The following FER variants were observed in gnomAD, a reference collection of about 807,000 sequenced individuals.
FER encodes the protein FER tyrosine kinase, also known as tyrosine-protein kinase Fer.
A neutral mutation model predicts 111.0 loss-of-function variants in FER; 63 were observed. The ratio of observed to expected loss-of-function variants is 0.57; its 90% CI spans 0.46 to 0.70. FER has a LOEUF of 0.70. Ranked by LOEUF, FER falls within the 30% of genes least tolerant of loss-of-function variation. FER has a pLI of 0.00. For synonymous variants in FER, 327 were observed against 313.9 expected, an observed-to-expected ratio of 1.04 and a Z score of -0.44; for missense variants, 914 against 954.0, an observed-to-expected ratio of 0.96 and a Z score of 0.55.
intron 13 of FER, among the ~76,000 whole-genome samples, chr5:109,034,997 T>C (rs1306498437): frequency 6.6e-6 from 1 of 151,542 alleles, no homozygotes; most frequent in African/African-American, 2.4e-5. Flanking sequence ...CCACAGGTTT[T>C]AAATATATAG....
At chr5:109,161,423 C>G (rs1387814346) in intron 17 of FER, among the ~76,000 whole-genome samples, 1 of 152,064 alleles carries the variant, frequency 6.6e-6, no homozygotes, top group Non-Finnish European at 1.5e-5. Context: ...CCTCCTCCCA[C>G]CCTTCATAAG....
intron 2 of FER, among the ~76,000 whole-genome samples, chr5:108,777,468 C>G (rs552597524): frequency 2.0e-4 from 31 of 152,270 alleles, no homozygotes; most frequent in Middle Eastern, 6.8e-3. Flanking sequence ...TTAGGGTTCA[C>G]TCTTGGCATT....
At position 108,845,019 on chromosome 5, in the gene FER, TATATATATATATATATATATAC is replaced by T. The variant is rs60219973; in HGVS notation, c.481+9234_481+9255del. 5.6e-3 allele frequency among the ~76,000 whole-genome samples: 286 copies of T among 51,474 alleles called. 2 individuals are homozygous for T. The highest frequency in any genetic ancestry group is 7.5e-3 in the Non-Finnish European group (198 of 26,240). 33.8% of individuals were successfully genotyped at this position (51,474 alleles called of 152,430 possible). A position where few individuals can be genotyped will look rare whatever the true frequency, so the allele number is the denominator to read the frequency against. ...GTGTATATATATATATATATATATA[TATATATATATATATATATATAC>T]ATATATATATATATATATATATATA... On this transcript the variant is annotated intron_variant, in intron 5 of 19. Transcript: ENST00000281092.
At chr5:108,848,157 G>A (rs1011978255) in intron 5 of FER, among the ~76,000 whole-genome samples, 17 of 152,128 alleles carry the variant, frequency 1.1e-4, no homozygotes, top group African/African-American at 4.1e-4. Flanking sequence ...TGAGAGTACA[G>A]GTATGAGCCA....
intron 13 of FER, among the ~76,000 whole-genome samples, chr5:108,977,188 G>T (rs543726399): frequency 6.6e-6 from 1 of 152,138 alleles, no homozygotes; most frequent in Non-Finnish European, 1.5e-5. Context: ...ATTTTATGCA[G>T]TTGTGATTTA....
chr5:109,180,425 A>G (rs1758168416), intron 17 of FER, among the ~76,000 whole-genome samples: 1 of 152,216 alleles, frequency 6.6e-6, no homozygotes, highest in Non-Finnish European at 1.5e-5. Flanking sequence ...TGCTCTAGGA[A>G]AGCCAAAGGA....
At chr5:108,879,701 A>AAAAAAAAAATATATATATATATATATAT in intron 8 of FER, among the ~76,000 whole-genome samples, 1 of 99,128 alleles carries the variant, frequency 1.0e-5, no homozygotes, top group African/African-American at 4.8e-5. Context: ...ATTAAAAAAA[A>AAAAAAAAAATATATATATATATATATAT]ATATATATAT....
chr5:109,052,231 C>T (rs543237744), intron 16 of FER: 135 of 1,606,530 alleles, frequency 8.4e-5, no homozygotes, highest in South Asian at 7.6e-4. Context: ...GACCCAGAAG[C>T]GCACATGAGA....
At chr5:109,015,586 A>G (rs1766976586) in intron 13 of FER, among the ~76,000 whole-genome samples, 1 of 152,014 alleles carries the variant, frequency 6.6e-6, no homozygotes, top group Admixed American at 6.6e-5. Flanking sequence ...ATAGATCAGT[A>G]TAATCCAAGC....
intron 17 of FER, among the ~76,000 whole-genome samples, chr5:109,143,198 G>A (rs902256115): frequency 2.6e-5 from 4 of 152,108 alleles, no homozygotes; most frequent in African/African-American, 9.7e-5. Context: ...AATCTTGGGA[G>A]CATCAGGAAG....
chr5:108,786,705 T>C (rs766171070), intron 2 of FER, among the ~76,000 whole-genome samples: 18 of 152,130 alleles, frequency 1.2e-4, no homozygotes, highest in African/African-American at 3.6e-4. Context: ...TTTCACTGTG[T>C]TAGCCAGAAT....
intron 10 of FER, among the ~76,000 whole-genome samples, chr5:108,920,776 C>T (rs779102499): frequency 4.6e-5 from 7 of 152,108 alleles, no homozygotes; most frequent in Non-Finnish European, 8.8e-5. Flanking sequence ...CTTGAGTTAT[C>T]GTAATGTATA....
chr5:108,995,945 A>G (rs1322521527), intron 13 of FER, among the ~76,000 whole-genome samples: 1 of 152,160 alleles, frequency 6.6e-6, no homozygotes, highest in Non-Finnish European at 1.5e-5. Flanking sequence ...CTGACTTCTT[A>G]ATGATCACCA....
intron 5 of FER, chr5:108,841,735 C>T (rs1415508198): frequency 3.6e-6 from 1 of 281,148 alleles, no homozygotes; most frequent in South Asian, 3.4e-5. Context: ...TGTTTTGTAC[C>T]ATCAGGTGAG....
At chr5:109,142,049 A>G (rs1364842383) in intron 17 of FER, among the ~76,000 whole-genome samples, 2 of 152,028 alleles carry the variant, frequency 1.3e-5, no homozygotes, top group East Asian at 3.9e-4. Flanking sequence ...GTACCACTGA[A>G]TTTTCCGTGA....
rs372127515 is a variant in FER at position 109,079,003 on chromosome 5, A to G, written c.1925-21393A>G. On this transcript the variant is annotated intron_variant, in intron 16 of 19. Transcript: ENST00000281092. ...ATTTGTTCTCGTGTATCTGCAGACC[A>G]TATTTGAGATCCTCAGTCTTACCAC... Among the ~76,000 whole-genome samples the G allele has an allele frequency of 2.6e-5, 4 of 152,268 alleles. 1 individual carries two copies. Among genetic ancestry groups the G allele is most frequent in the East Asian group, 1.9e-4 (1 of 5,176 alleles).
chr5:109,026,837 C>A lies in FER; in HGVS notation c.1657-10585C>A, dbSNP rs368000475. On this transcript the variant is annotated intron_variant, in intron 13 of 19. Coordinates refer to ENST00000281092, the MANE Select transcript of FER (RefSeq NM_005246.4). ...GGGATTACAGGCGCCCGCCACCATG[C>A]GTGGCTAATTTTTTTGTATTTTTAG... 7.6e-3 allele frequency among the ~76,000 whole-genome samples: 1,162 copies of A among 152,202 alleles called. 11 individuals are homozygous for A. The highest frequency in any genetic ancestry group is 0.027 in the African/African-American group (1,135 of 41,522).
At chr5:109,160,577 C>T (rs1755879862) in intron 17 of FER, among the ~76,000 whole-genome samples, 1 of 152,126 alleles carries the variant, frequency 6.6e-6, no homozygotes. Flanking sequence ...TAAATAAATT[C>T]ATCCAATCCT....
chr5:109,163,457 T>C (rs1463199679), intron 17 of FER, among the ~76,000 whole-genome samples: 2 of 152,166 alleles, frequency 1.3e-5, no homozygotes, highest in Non-Finnish European at 2.9e-5. Flanking sequence ...TATAAGAAAC[T>C]ACAAAACTGT....
Sources: gnomAD v4.1 joint callset for allele counts (sites outside exome capture counted in the v4.1 genomes callset) on GRCh38, gnomAD v4.1.1 for gene constraint, MANE v1.5 for transcripts, NCBI Gene and HGNC (gene_info 2026-07-23, HGNC 2026-07-21) for gene names.